ASB18: variants seen among roughly 807,000 people sequenced by gnomAD.
ASB18 encodes the protein ankyrin repeat and SOCS box protein 18.
In ASB18, 33 loss-of-function variants were observed where a neutral mutation model predicts 33.4. That is an observed-to-expected ratio of 0.99 (90% CI 0.75 to 1.32). The LOEUF (loss-of-function observed/expected upper bound fraction) is 1.32. Among genes scored for constraint, ASB18 ranks in the 40% most tolerant of loss-of-function variants. ASB18 has a pLI of 0.00. For missense variants in ASB18, 694 were observed against 655.5 expected (o/e 1.06, Z -0.64); for synonymous variants, 295 against 307.6 (o/e 0.96, Z 0.43).
intron 3 of ASB18, among the ~76,000 whole-genome samples, chr2:236,232,127 A>T (rs1185557967): frequency 6.6e-6 from 1 of 152,198 alleles, no homozygotes; most frequent in Non-Finnish European, 1.5e-5. Flanking sequence ...AATTCTCAGT[A>T]AATTTAAAAA....
Position 236,214,200 on chromosome 2 carries a change from C to T in ASB18, c.1101+162G>A. ...CGGGAGCTTGTTGGCAATGCAGGCT[C>T]TCCCACCCCAGACCGGCAGAGCAGA... is the stretch of plus-strand genomic sequence containing the variant. On this transcript the variant is annotated intron_variant, in intron 4 of 5. Transcript: ENST00000409749. The surrounding 1 kb of genome is among the most constrained non-coding windows in gnomAD (Gnocchi z 6.5). The T allele has an allele frequency of 1.3e-6, 1 of 753,856 alleles. No individual in the cohort carries two copies. The highest frequency in any genetic ancestry group is 1.9e-5 in the South Asian group (1 of 52,942). The allele number at this position is 753,856 out of a possible 1,614,324, so 46.7% of individuals were successfully genotyped here. A position where few individuals can be genotyped will look rare whatever the true frequency, so the allele number is the denominator to read the frequency against.
intron 4 of ASB18, among the ~76,000 whole-genome samples, chr2:236,197,344 A>G (rs2060378994): frequency 2.6e-5 from 4 of 152,202 alleles, no homozygotes; most frequent in Admixed American, 2.6e-4. Flanking sequence ...GTTAGGGCCG[A>G]TATAATGAGA....
rs1467121228 is a variant in ASB18 at position 236,208,712 on chromosome 2, C to T, written c.1101+5650G>A. On this transcript the variant is annotated intron_variant, in intron 4 of 5. Transcript: ENST00000409749. The surrounding 1 kb of genome is among the most constrained non-coding windows in gnomAD (Gnocchi z 7.7). ...TCTCCTCTGTTCCACCTCTCTGGGG[C>T]TCCCTGCCCCTCCCCGTCCTCTGCA... 6.6e-6 allele frequency among the ~76,000 whole-genome samples: 1 copy of T among 152,200 alleles called. No individual in the cohort carries two copies. The highest frequency in any genetic ancestry group is 1.5e-5 in the Non-Finnish European group (1 of 68,040).
rs577026086 is a variant in ASB18 at position 236,200,771 on chromosome 2, A to G, written c.1102-4386T>C. ...AGCACCCTTTTCTCATTTGAAATTCACTGTAATTGTATTTTCAATGCTTTT... is the reference window on the plus strand; with the variant it reads ...AGCACCCTTTTCTCATTTGAAATTCGCTGTAATTGTATTTTCAATGCTTTT... On this transcript the variant is annotated intron_variant, in intron 4 of 5. Transcript: ENST00000409749. This position sits in a 1 kb window ranked among gnomAD's most constrained non-coding sequence, Gnocchi z 4.2. Among the ~76,000 whole-genome samples, 1 of 152,216 alleles carries G rather than the reference A, an allele frequency of 6.6e-6. No individual in the cohort carries two copies. The highest frequency in any genetic ancestry group is 1.9e-4 in the East Asian group (1 of 5,180).
rs1200288309 is a variant in ASB18 at position 236,226,170 on chromosome 2, C to A, written c.597-11304G>T. Among the ~76,000 whole-genome samples, 1 of 152,142 alleles carries A rather than the reference C, an allele frequency of 6.6e-6. No homozygotes were observed. Among genetic ancestry groups the A allele is most frequent in the Non-Finnish European group, 1.5e-5 (1 of 68,006 alleles). ...CTCAGGCCCTTTCGACATCTATTAA[C>A]TTTTTATCCTTCAAGGTAGTTGGCT... On this transcript the variant is annotated intron_variant, in intron 3 of 5. Coordinates refer to ENST00000409749, the MANE Select transcript of ASB18 (RefSeq NM_212556.4). The surrounding 1 kb of genome is among the most constrained non-coding windows in gnomAD (Gnocchi z 4.8).
chr2:236,214,757 G>A lies in ASB18; in HGVS notation c.706C>T (p.Arg236Cys), dbSNP rs2106269014. 1 of 1,178,976 alleles carries A rather than the reference G, an allele frequency of 8.5e-7. No individual in the cohort carries two copies. Among genetic ancestry groups the A allele is most frequent in the Non-Finnish European group, 1.0e-6 (1 of 954,454 alleles). The allele number at this position is 1,178,976 out of a possible 1,614,324, so 73.0% of individuals were successfully genotyped here. ...AAQRGLDEHARLYLGRGAHVD... is the reference protein window; with the variant it reads ...AAQRGLDEHACLYLGRGAHVD... ...TGCGCCCCGCGGCCCAGGTACAGGC[G>A]CGCGTGCTCGTCCAGGCCGCGCTGC... is the stretch of plus-strand genomic sequence containing the variant. Residue 236 changes from arginine (R) to cysteine (C), a missense_variant, in exon 4 of 6, where the codon CGC (arginine) becomes TGC (cysteine). Transcript: ENST00000409749. This position sits in a 1 kb window ranked among gnomAD's most constrained non-coding sequence, Gnocchi z 6.5.
rs756246406 is a variant in ASB18, at chr2:236,193,956, C to G, written c.*916G>C. 1.3e-5 allele frequency among the ~76,000 whole-genome samples: 2 copies of G among 152,038 alleles called. No homozygotes were observed. Among genetic ancestry groups the G allele is most frequent in the African/African-American group, 4.8e-5 (2 of 41,382 alleles). On this transcript the variant is annotated 3_prime_UTR_variant, in exon 6 of 6. Transcript: ENST00000409749. The surrounding 1 kb of genome is among the most constrained non-coding windows in gnomAD (Gnocchi z 5.0). ...GTGGGTGGGTGTGGGGGTGTGTGAG[C>G]ACCCTGCGATGGAATAGCACCCCGT...
intron 1 of ASB18, among the ~76,000 whole-genome samples, chr2:236,246,346 CAAAAAAAAAAAAAA>C (rs60064230): frequency 9.2e-5 from 3 of 32,700 alleles, no homozygotes; most frequent in Non-Finnish European, 1.2e-4. Flanking sequence ...GACTCCATCT[CAAAAAAAAAAAAAA>C]AAAAAAAAAA....
chr2:236,212,365 T>G (rs2060462612), intron 4 of ASB18, among the ~76,000 whole-genome samples: 1 of 152,076 alleles, frequency 6.6e-6, no homozygotes, highest in Admixed American at 6.6e-5. Context: ...GGAAACAGAG[T>G]CCAGGGGTCA....
intron 4 of ASB18, chr2:236,210,649 A>AGAC (rs1030096100): frequency 2.0e-5 from 3 of 152,268 alleles, no homozygotes; most frequent in African/African-American, 7.2e-5. Context: ...ACAAAATAGG[A>AGAC]GACAGGGTAG....
Position 236,194,885 on chromosome 2 carries a change from C to T in ASB18, c.1388G>A (p.Gly463Asp), listed in dbSNP as rs748497331. Residue 463 changes from glycine to aspartate, a missense_variant, in exon 6 of 6, where the codon GGT (glycine) becomes GAT (aspartate). Transcript: ENST00000409749. This position sits in a 1 kb window ranked among gnomAD's most constrained non-coding sequence, Gnocchi z 4.5. ...LQNYLLLEPQ[G>D]VLH ...GCGTTCTGCGTTTCAGTGCAAAACACCCTGTGGCTCCAAAAGTAGGTAATT... is the reference window on the plus strand; with the variant it reads ...GCGTTCTGCGTTTCAGTGCAAAACATCCTGTGGCTCCAAAAGTAGGTAATT... 3 of 1,613,324 alleles carry T rather than the reference C, an allele frequency of 1.9e-6. No individual in the cohort carries two copies. The highest frequency in any genetic ancestry group is 2.5e-6 in the Non-Finnish European group (3 of 1,179,626).
Position 236,204,414 on chromosome 2 carries a change from G to A in ASB18, c.1102-8029C>T, listed in dbSNP as rs1448734191. ...TTTCCTTAGCTGCTGTCTCATCTCC[G>A]TCCTTCAGATGTTCGACCATCCCTG... On this transcript the variant is annotated intron_variant, in intron 4 of 5. Coordinates refer to ENST00000409749, the MANE Select transcript of ASB18 (RefSeq NM_212556.4). The surrounding 1 kb of genome is among the most constrained non-coding windows in gnomAD (Gnocchi z 5.1). Among the ~76,000 whole-genome samples, 3 of 152,090 alleles carry A rather than the reference G, an allele frequency of 2.0e-5. No homozygotes were observed. Among genetic ancestry groups the A allele is most frequent in the African/African-American group, 4.8e-5 (2 of 41,418 alleles).
rs528856798 is a variant in ASB18 at position 236,225,785 on chromosome 2, G to A, written c.597-10919C>T. ...AATTCTGAAGCTTGCTGGTTGGAAGGAAGCACAGGTAATTTTTTTTTTTTA... is the reference window on the plus strand; with the variant it reads ...AATTCTGAAGCTTGCTGGTTGGAAGAAAGCACAGGTAATTTTTTTTTTTTA... On this transcript the variant is annotated intron_variant, in intron 3 of 5. Coordinates refer to ENST00000409749, the MANE Select transcript of ASB18 (RefSeq NM_212556.4). The surrounding 1 kb of genome is among the most constrained non-coding windows in gnomAD (Gnocchi z 5.1). 6.8e-6 allele frequency among the ~76,000 whole-genome samples: 1 copy of A among 147,008 alleles called. No homozygotes were observed. Among genetic ancestry groups the A allele is most frequent in the South Asian group, 2.3e-4 (1 of 4,412 alleles).
Position 236,203,970 on chromosome 2 carries a change from C to T in ASB18, c.1102-7585G>A, listed in dbSNP as rs1576394533. ...GGAATAGTTTAGAGGAGACAGAGAG[C>T]CCAGTGAAGAAGATGTGTCCATCTA... is the stretch of plus-strand genomic sequence containing the variant. On this transcript the variant is annotated intron_variant, in intron 4 of 5. Coordinates refer to ENST00000409749, the MANE Select transcript of ASB18 (RefSeq NM_212556.4). The surrounding 1 kb of genome is among the most constrained non-coding windows in gnomAD (Gnocchi z 6.0). Among the ~76,000 whole-genome samples, 1 of 152,126 alleles carries T rather than the reference C, an allele frequency of 6.6e-6. No homozygotes were observed.
rs1323898973 is a variant in ASB18, at chr2:236,194,335, T to A, written c.*537A>T. Among the ~76,000 whole-genome samples, 3 of 152,208 alleles carry A rather than the reference T, an allele frequency of 2.0e-5. No individual in the cohort carries two copies. The highest frequency in any genetic ancestry group is 2.9e-5 in the Non-Finnish European group (2 of 68,040). On this transcript the variant is annotated 3_prime_UTR_variant, in exon 6 of 6. Coordinates refer to ENST00000409749, the MANE Select transcript of ASB18 (RefSeq NM_212556.4). The surrounding 1 kb of genome is among the most constrained non-coding windows in gnomAD (Gnocchi z 4.5). ...TCACCAAAAATTGGGTAAATAATTATCTTACTTGTTATTAATCTCTTTTAA... is the reference window on the plus strand; with the variant it reads ...TCACCAAAAATTGGGTAAATAATTAACTTACTTGTTATTAATCTCTTTTAA...
At position 236,231,049 on chromosome 2, in the gene ASB18, A is replaced by G. The variant is rs1046335590; in HGVS notation, c.596+6640T>C. Among the ~76,000 whole-genome samples the G allele has an allele frequency of 3.3e-5, 5 of 152,306 alleles. No homozygotes were observed. The highest frequency in any genetic ancestry group is 1.2e-4 in the African/African-American group (5 of 41,574). ...TAGGCAGTATCTAGCATGGTCCCCC[A>G]CTGAAGTCTATCTTCTGGTGTCCAT... On this transcript the variant is annotated intron_variant, in intron 3 of 5. Transcript: ENST00000409749. This position sits in a 1 kb window ranked among gnomAD's most constrained non-coding sequence, Gnocchi z 5.5.
chr2:236,246,522 A>G (rs1394316484), intron 1 of ASB18, among the ~76,000 whole-genome samples: 1 of 152,068 alleles, frequency 6.6e-6, no homozygotes, highest in Non-Finnish European at 1.5e-5. Context: ...TTTTTTTCAA[A>G]GAGCCCACTG....
At chr2:236,224,839 G>C (rs2060529970) in intron 3 of ASB18, among the ~76,000 whole-genome samples, 1 of 151,462 alleles carries the variant, frequency 6.6e-6, no homozygotes, top group Non-Finnish European at 1.5e-5. Context: ...TCTTCTCTGA[G>C]ATCTCATTCT....
In ASB18 at chr2:236,193,901, G is replaced by A. The variant is rs2060358959; in HGVS notation, c.*971C>T. 1.3e-5 allele frequency among the ~76,000 whole-genome samples: 2 copies of A among 152,060 alleles called. No homozygotes were observed. Among genetic ancestry groups the A allele is most frequent in the African/African-American group, 2.4e-5 (1 of 41,392 alleles). On this transcript the variant is annotated 3_prime_UTR_variant, in exon 6 of 6. Transcript: ENST00000409749. This position sits in a 1 kb window ranked among gnomAD's most constrained non-coding sequence, Gnocchi z 5.0. ...AGCTGAGCAAGTGAGGTGAGCTGTCGTGTCTGAATTGTCCCAGTGTTGTGT... is the reference window on the plus strand; with the variant it reads ...AGCTGAGCAAGTGAGGTGAGCTGTCATGTCTGAATTGTCCCAGTGTTGTGT...
Sources: allele counts gnomAD v4.1 joint callset (sites outside exome capture counted in the v4.1 genomes callset), GRCh38; gene constraint gnomAD v4.1.1; non-coding constraint Gnocchi (gnomAD v3.1); transcripts MANE v1.5; gene names NCBI Gene and HGNC (gene_info 2026-07-23, HGNC 2026-07-21).